Variants in RASSF3 observed in about 807,000 individuals in gnomAD.
RASSF3 encodes ras association domain-containing protein 3.
In RASSF3, 19 loss-of-function variants were observed where a neutral mutation model predicts 19.9. The ratio of observed to expected loss-of-function variants is 0.96; its 90% CI spans 0.67 to 1.40. The LOEUF is 1.40. Ranked by LOEUF, RASSF3 falls within the 40% of genes most tolerant of loss-of-function variation. The probability of loss-of-function intolerance (pLI) is 0.00; values close to 1 mark genes in which losing one functional copy is unlikely to be tolerated. For synonymous variants in RASSF3, 110 were observed against 104.2 expected, an observed-to-expected ratio of 1.06 and a Z score of -0.34; for missense variants, 306 against 289.8, an observed-to-expected ratio of 1.06 and a Z score of -0.41.
At chr12:64,555,136 C>T (rs992697015) in intron 2 of RASSF3, among the ~76,000 whole-genome samples, 1 of 151,740 alleles carries the variant, frequency 6.6e-6, no homozygotes, top group Non-Finnish European at 1.5e-5. Flanking sequence ...CCCAGCTACT[C>T]GGGAGGCTGA....
At chr12:64,551,971 G>C (rs1355929806) in intron 2 of RASSF3, among the ~76,000 whole-genome samples, 1 of 152,142 alleles carries the variant, frequency 6.6e-6, no homozygotes, top group African/African-American at 2.4e-5. Flanking sequence ...CCTTACACAA[G>C]AGCAAACAGC....
intron 1 of RASSF3, among the ~76,000 whole-genome samples, chr12:64,524,428 G>C (rs890801258): frequency 6.6e-5 from 10 of 151,814 alleles, no homozygotes; most frequent in African/African-American, 2.4e-4. Context: ...TGTCCTCCAA[G>C]CTTCCCCAGA....
In RASSF3 at chr12:64,509,434, A is replaced by G. The variant is rs1270564970; in HGVS notation, c.169+2105A>G. 2.0e-5 allele frequency among the ~76,000 whole-genome samples: 3 copies of G among 152,296 alleles called. No homozygotes were observed. In the South Asian group the frequency reaches 6.2e-4, roughly 32 times the overall value. ...CACTGCACCCCAGCCTGGGCGACAG[A>G]GCAAGACTCAGCCTCAAAAAATAAA... On this transcript the variant is annotated intron_variant, in intron 1 of 5. Transcript: ENST00000637125.
At chr12:64,536,513 G>A (rs1211414404) in intron 1 of RASSF3, among the ~76,000 whole-genome samples, 1 of 152,118 alleles carries the variant, frequency 6.6e-6, no homozygotes, top group Non-Finnish European at 1.5e-5. Context: ...ATTTGTCTGT[G>A]TTGGTTTTAT....
chr12:64,588,734 C>G (rs1311712800), intron 2 of RASSF3, among the ~76,000 whole-genome samples: 1 of 152,028 alleles, frequency 6.6e-6, no homozygotes, highest in Non-Finnish European at 1.5e-5. Flanking sequence ...TGGAATCACT[C>G]TGTATATTTA....
intron 1 of RASSF3, among the ~76,000 whole-genome samples, chr12:64,671,618 T>C (rs1400858616): frequency 3.3e-5 from 5 of 152,362 alleles, no homozygotes; most frequent in African/African-American, 1.2e-4. Context: ...CTCTGACTTA[T>C]CATTTAATAA....
At chr12:64,693,987 T>C (rs1265271288) in intron 4 of RASSF3, among the ~76,000 whole-genome samples, 1 of 152,146 alleles carries the variant, frequency 6.6e-6, no homozygotes, top group Non-Finnish European at 1.5e-5. Context: ...GGAAAGCTGC[T>C]TAGAGAAAGT....
At chr12:64,556,483 G>GCCTGCC (rs1869258224) in intron 2 of RASSF3, among the ~76,000 whole-genome samples, 1 of 152,102 alleles carries the variant, frequency 6.6e-6, no homozygotes, top group Admixed American at 6.6e-5. Context: ...CTATAAAAGA[G>GCCTGCC]CCTGCCCCTG....
At chr12:64,674,560 G>A (rs1456789316) in intron 1 of RASSF3, among the ~76,000 whole-genome samples, 3 of 152,204 alleles carry the variant, frequency 2.0e-5, no homozygotes, top group Non-Finnish European at 2.9e-5. Context: ...CAGCCTGGGC[G>A]ACAGAGTGAG....
At chr12:64,617,507 A>C (rs1870592156) in intron 1 of RASSF3, among the ~76,000 whole-genome samples, 1 of 152,180 alleles carries the variant, frequency 6.6e-6, no homozygotes, top group Non-Finnish European at 1.5e-5. Context: ...GAAACTTTGA[A>C]ATGTAGTTTT....
chr12:64,676,290 T>C (rs1028999596), intron 1 of RASSF3, among the ~76,000 whole-genome samples: 1 of 149,028 alleles, frequency 6.7e-6, no homozygotes, highest in African/African-American at 2.5e-5. Flanking sequence ...CTGAGTAGCT[T>C]ACAGGTCTGA....
chr12:64,539,307 G>A (rs191716186), intron 1 of RASSF3, among the ~76,000 whole-genome samples: 169 of 152,084 alleles, frequency 1.1e-3, no homozygotes, highest in African/African-American at 4.0e-3. Context: ...CTCATCATGG[G>A]GGCCCTACCC....
chr12:64,516,765 C>T (rs888120751), intron 1 of RASSF3, among the ~76,000 whole-genome samples: 28 of 151,730 alleles, frequency 1.8e-4, no homozygotes, highest in Admixed American at 2.6e-4. Flanking sequence ...TTTGGGAGGC[C>T]GAGGCGGGTG....
chr12:64,536,245 C>T (rs1048106915), intron 1 of RASSF3, among the ~76,000 whole-genome samples: 1 of 146,870 alleles, frequency 6.8e-6, no homozygotes, highest in African/African-American at 2.5e-5. Context: ...CTCCTGACCT[C>T]GTGATCTGCC....
chr12:64,619,329 C>CT (rs934255325), intron 1 of RASSF3, among the ~76,000 whole-genome samples: 20 of 146,636 alleles, frequency 1.4e-4, no homozygotes, highest in Admixed American at 2.1e-4. Flanking sequence ...GGGAACTTCC[C>CT]TTTTTTTTTT....
intron 1 of RASSF3, among the ~76,000 whole-genome samples, chr12:64,616,188 G>A (rs1870545414): frequency 6.6e-6 from 1 of 152,124 alleles, no homozygotes; most frequent in African/African-American, 2.4e-5. Context: ...AGAAGAAAAA[G>A]TTTCCAGTCC....
At chr12:64,528,602 G>A (rs1478980988), upstream of RASSF3, among the ~76,000 whole-genome samples, 1 of 152,198 alleles carries the variant, frequency 6.6e-6, no homozygotes, top group Admixed American at 6.5e-5. Context: ...CCTGACATTA[G>A]GAAACTGAAA....
chr12:64,606,419 A>T (rs927315436), upstream of RASSF3, among the ~76,000 whole-genome samples: 1 of 152,270 alleles, frequency 6.6e-6, no homozygotes, highest in Non-Finnish European at 1.5e-5. Context: ...GCTTGATCCT[A>T]TTCTATGCCA....
intron 1 of RASSF3, among the ~76,000 whole-genome samples, chr12:64,663,991 A>G (rs1797690): frequency 0.8 from 121,075 of 152,016 alleles, 48,657 homozygotes; most frequent in African/African-American, 0.88. Flanking sequence ...GCCAATATAT[A>G]CAAGAGAACA....
Sources: gnomAD v4.1 joint callset for allele counts (sites outside exome capture counted in the v4.1 genomes callset) on GRCh38, gnomAD v4.1.1 for gene constraint, MANE v1.5 for transcripts, NCBI Gene and HGNC (gene_info 2026-07-23, HGNC 2026-07-21) for gene names.